SRBD1: variants seen among roughly 807,000 people sequenced by gnomAD.
The protein encoded by SRBD1 is S1 RNA binding domain 1.
Under a neutral mutation model 115.3 loss-of-function variants are expected in SRBD1, and 88 were observed. That is an observed-to-expected ratio of 0.76 (90% CI 0.64 to 0.91). The LOEUF (loss-of-function observed/expected upper bound fraction) is 0.91, where lower values mean the gene tolerates loss of function less well. Among genes scored for constraint, SRBD1 ranks in the 40% least tolerant of loss-of-function variants. The pLI is 0.00. For synonymous variants in SRBD1, 509 were observed against 407.7 expected, an observed-to-expected ratio of 1.25 and a Z score of -2.99; for missense variants, 1,385 against 1,177.4, an observed-to-expected ratio of 1.18 and a Z score of -2.58.
chr2:45,455,221 A>G (rs1669116256), intron 16 of SRBD1, among the ~76,000 whole-genome samples: 1 of 151,976 alleles, frequency 6.6e-6, no homozygotes, highest in Admixed American at 6.6e-5. Flanking sequence ...GTAAATTTCT[A>G]TAAGGGTGAA....
At chr2:45,553,795 C>CA in intron 10 of SRBD1, 65 bp from the exon 11 acceptor site, 1 of 1,036,784 alleles carries the variant, frequency 9.6e-7, no homozygotes, top group South Asian at 2.1e-5. Context: ...AAAAGGCTCC[C>CA]AAAAAGAAGG....
At chr2:45,474,117 A>C (rs1287883890) in intron 16 of SRBD1, among the ~76,000 whole-genome samples, 1 of 152,206 alleles carries the variant, frequency 6.6e-6, no homozygotes, top group African/African-American at 2.4e-5. Flanking sequence ...GATTGGTTTG[A>C]ATTCATTTTA....
intron 5 of SRBD1, among the ~76,000 whole-genome samples, chr2:45,585,235 T>C (rs1377832054): frequency 1.3e-5 from 2 of 152,182 alleles, no homozygotes; most frequent in Non-Finnish European, 2.9e-5. Flanking sequence ...TTAGGAACTT[T>C]ATGAAATTAA....
Position 45,507,314 on chromosome 2 carries a change from G to C in SRBD1, c.1875-18983C>G, listed in dbSNP as rs115026146. Among the ~76,000 whole-genome samples, 1,501 of 152,030 alleles carry C rather than the reference G, an allele frequency of 9.9e-3. 19 individuals carry two copies. The highest frequency in any genetic ancestry group is 0.014 in the Non-Finnish European group (959 of 67,974). ...CAGAAAAGCAAGCAGACAAACCAAGGCACTTAAATGTCACTTGGCTAATGA... is the reference window on the plus strand; with the variant it reads ...CAGAAAAGCAAGCAGACAAACCAAGCCACTTAAATGTCACTTGGCTAATGA... On this transcript the variant is annotated intron_variant, in intron 14 of 20. Transcript: ENST00000263736.
chr2:45,456,486 A>G (rs2103759239), intron 16 of SRBD1, among the ~76,000 whole-genome samples: 1 of 152,038 alleles, frequency 6.6e-6, no homozygotes, highest in South Asian at 2.1e-4. Flanking sequence ...TTCAGAATTG[A>G]GGGACAGAAA....
At chr2:45,490,115 A>G (rs374136653) in intron 14 of SRBD1, among the ~76,000 whole-genome samples, 2 of 152,208 alleles carry the variant, frequency 1.3e-5, no homozygotes, top group Admixed American at 1.3e-4. Context: ...CATTACGCTT[A>G]TCTTCTAATA....
intron 16 of SRBD1, among the ~76,000 whole-genome samples, chr2:45,426,407 G>A (rs919007365): frequency 6.6e-6 from 1 of 152,218 alleles, no homozygotes; most frequent in African/African-American, 2.4e-5. Flanking sequence ...GGCGGAAGGC[G>A]TGGCTGTGGG....
chr2:45,546,888 A>T, intron 13 of SRBD1, 49 bp from the exon 14 acceptor site: 1 of 1,550,416 alleles, frequency 6.4e-7, no homozygotes, highest in Non-Finnish European at 8.9e-7. Flanking sequence ...GCATGCTTTG[A>T]AATCAGCTGG....
intron 12 of SRBD1, 98 bp from the exon 13 acceptor site, chr2:45,547,710 G>C (rs1672166337): frequency 6.1e-6 from 6 of 977,100 alleles, no homozygotes; most frequent in Admixed American, 2.6e-5. Flanking sequence ...AAGGAGACTG[G>C]CTTGTTTTTT....
rs1422820863 is a variant in SRBD1, at chr2:45,550,441, C to T, written c.1675+684G>A. ...AAAGGACATATTACCTTCAAAGGAA[C>T]AATAACAAATAACCACAGTTTGGCT... On this transcript the variant is annotated intron_variant, in intron 12 of 20. Coordinates refer to ENST00000263736, the MANE Select transcript of SRBD1 (RefSeq NM_018079.5). Among the ~76,000 whole-genome samples the T allele has an allele frequency of 2.2e-5, 3 of 136,522 alleles. No individual in the cohort carries two copies. In the East Asian group the frequency reaches 6.1e-4, roughly 28 times the overall value. 89.6% of individuals were successfully genotyped at this position (136,522 alleles called of 152,430 possible).
rs780848138 is a variant in SRBD1 at position 45,389,484 on chromosome 2, T to C, written c.2814A>G (p.Ile938Met). The C allele has an allele frequency of 5.0e-6, 8 of 1,614,102 alleles. No homozygotes were observed. Among genetic ancestry groups the C allele is most frequent in the East Asian group, 2.2e-5 (1 of 44,876 alleles). ...GAATCAGCCCAGATTTCCCCACTCCTATATCCACAAAAATTCCAAAGAGAG... is the reference window on the plus strand; with the variant it reads ...GAATCAGCCCAGATTTCCCCACTCCCATATCCACAAAAATTCCAAAGAGAG... Reference protein sequence around the residue: ...NATLFGIFVDIGVGKSGLIPI... With the variant: ...NATLFGIFVDMGVGKSGLIPI... Residue 938 changes from isoleucine (I) to methionine (M), a missense_variant, in exon 21 of 21, where the codon ATA becomes ATG. Coordinates refer to ENST00000263736, the MANE Select transcript of SRBD1 (RefSeq NM_018079.5).
At chr2:45,547,372 C>G in intron 13 of SRBD1, 150 bp downstream of exon 13, 1 of 624,282 alleles carries the variant, frequency 1.6e-6, no homozygotes. Flanking sequence ...ATGCAGAGTT[C>G]TCCAGCAATT....
chr2:45,517,229 T>C (rs1671146924), intron 14 of SRBD1, among the ~76,000 whole-genome samples: 1 of 152,250 alleles, frequency 6.6e-6, no homozygotes, highest in South Asian at 2.1e-4. Flanking sequence ...TATTGTTTTC[T>C]ATGTGTGTTT....
chr2:45,511,933 C>A (rs1325389583), intron 14 of SRBD1, among the ~76,000 whole-genome samples: 1 of 152,160 alleles, frequency 6.6e-6, no homozygotes, highest in Non-Finnish European at 1.5e-5. Context: ...ATGACATGAT[C>A]ACAGACTTCC....
chr2:45,597,963 C>G (rs1450868551), intron 4 of SRBD1, among the ~76,000 whole-genome samples: 1 of 152,110 alleles, frequency 6.6e-6, no homozygotes, highest in Non-Finnish European at 1.5e-5. Context: ...TGCACACTGC[C>G]AACTACCAGA....
intron 18 of SRBD1, 22 bp downstream of exon 18, chr2:45,418,343 C>T (rs1203580743): frequency 3.1e-6 from 5 of 1,603,506 alleles, no homozygotes; most frequent in Non-Finnish European, 4.3e-6. Context: ...ACAATAGAAT[C>T]AAAGTGTATA....
chr2:45,393,396 T>C (rs80191152), intron 19 of SRBD1, among the ~76,000 whole-genome samples: 7,792 of 152,268 alleles, frequency 0.051, 674 homozygotes, highest in African/African-American at 0.18. Flanking sequence ...TTTTTTGTTG[T>C]TGTTGAGACA....
chr2:45,423,792 CA>C (rs1181455461), intron 16 of SRBD1, among the ~76,000 whole-genome samples: 3 of 152,048 alleles, frequency 2.0e-5, no homozygotes, highest in Admixed American at 2.0e-4. Flanking sequence ...CAAAAATCCT[CA>C]ACAAAATACT....
chr2:45,500,486 A>G (rs1028262164), intron 14 of SRBD1, among the ~76,000 whole-genome samples: 9 of 152,118 alleles, frequency 5.9e-5, no homozygotes, highest in African/African-American at 2.2e-4. Flanking sequence ...GCAGTGGCAC[A>G]ATCACGGCTC....
Sources: gnomAD v4.1 joint callset for allele counts (sites outside exome capture counted in the v4.1 genomes callset) on GRCh38, gnomAD v4.1.1 for gene constraint, MANE v1.5 for transcripts, NCBI Gene and HGNC (gene_info 2026-07-23, HGNC 2026-07-21) for gene names.